ZNF844: variants seen among roughly 807,000 people sequenced by gnomAD.
The protein encoded by ZNF844 is zinc finger protein 844.
A neutral mutation model predicts 11.4 loss-of-function variants in ZNF844; 11 were observed. The ratio of observed to expected loss-of-function variants is 0.97; its 90% CI spans 0.61 to 1.60. The LOEUF is 1.60. Ranked by LOEUF, ZNF844 falls within the 40% of genes most tolerant of loss-of-function variation. The pLI, the probability that ZNF844 is intolerant of heterozygous loss-of-function variation, is 0.00. For synonymous variants in ZNF844, 248 were observed against 260.3 expected (o/e 0.95, Z 0.46); for missense variants, 790 against 796.8 (o/e 0.99, Z 0.10).
chr19:12,065,304 T>A (rs1024477591), intron 1 of ZNF844, among the ~76,000 whole-genome samples: 5 of 152,142 alleles, frequency 3.3e-5, no homozygotes, highest in South Asian at 2.1e-4. Context: ...GTGCTGGGAA[T>A]AGAGGCGTGA....
At chr19:12,066,733 A>G (rs1975693287) in intron 1 of ZNF844, among the ~76,000 whole-genome samples, 1 of 151,088 alleles carries the variant, frequency 6.6e-6, no homozygotes, top group South Asian at 2.1e-4. Flanking sequence ...TTTTTAGTAG[A>G]GACGGGGTTT....
At chr19:12,065,694 A>G (rs1228993809) in intron 1 of ZNF844, among the ~76,000 whole-genome samples, 1 of 149,786 alleles carries the variant, frequency 6.7e-6, no homozygotes, top group Non-Finnish European at 1.5e-5. Context: ...CTGGAGTGCA[A>G]TGACACGATC....
chr19:12,071,712 T>A (rs901451534), intron 1 of ZNF844, among the ~76,000 whole-genome samples: 119 of 151,166 alleles, frequency 7.9e-4, no homozygotes, highest in Non-Finnish European at 1.4e-3. Context: ...TTTTTTTTTT[T>A]ACTTGGTACA....
intron 1 of ZNF844, among the ~76,000 whole-genome samples, chr19:12,069,336 C>G (rs932164131): frequency 2.6e-5 from 4 of 151,464 alleles, no homozygotes; most frequent in African/African-American, 9.7e-5. Context: ...GCGCCCAGCA[C>G]CATGCCCGGC....
Position 12,080,346 on chromosome 19 carries a change from CAAAAAAAA to C in ZNF844, c.*3238_*3245del. ...GCGGCGACAGAGCAAGACTCCGTCTCAAAAAAAAAAAAAAAAAAAAGAGAAGTCTGACA... is the reference window on the plus strand; with the variant it reads ...GCGGCGACAGAGCAAGACTCCGTCTCAAAAAAAAAAAAGAGAAGTCTGACA... On this transcript the variant is annotated 3_prime_UTR_variant, in exon 4 of 4. Transcript: ENST00000439326. 7.7e-5 allele frequency: 13 copies of C among 169,158 alleles called. No homozygotes were observed. Among genetic ancestry groups the C allele is most frequent in the Admixed American group, 1.1e-4 (1 of 8,770 alleles). 10.5% of individuals were successfully genotyped at this position (169,158 alleles called of 1,614,324 possible). A position where few individuals can be genotyped will look rare whatever the true frequency, so the allele number is the denominator to read the frequency against.
At chr19:12,070,402 A>G (rs1975742935) in intron 1 of ZNF844, 2 of 152,242 alleles carry the variant, frequency 1.3e-5, no homozygotes, top group South Asian at 4.1e-4. Context: ...ACTCTGAGGC[A>G]TCCTGGCCCA....
Position 12,074,406 on chromosome 19 carries a change from C to T in ZNF844, c.176C>T (p.Pro59Leu). The stretch of plus-strand genomic sequence containing the variant: ...AACATTGAAGATCAGTACAAAAATC[C>T]CAGGAATAATCTAAGGTGATTTAAA... ...DQNIEDQYKN[P>L]RNNLRSLLGE... is the part of the protein sequence containing the mutation. Residue 59 changes from proline to leucine, a missense_variant, in exon 3 of 4, where the codon CCC becomes CTC. This residue lies in a region of ZNF844 where 129 missense variants were observed against 144.0 expected (regional missense o/e 0.90). Transcript: ENST00000439326. 6.5e-7 allele frequency: 1 copy of T among 1,536,180 alleles called. No individual in the cohort carries two copies.
intron 1 of ZNF844, among the ~76,000 whole-genome samples, chr19:12,065,216 TG>T (rs1284626584): frequency 6.6e-6 from 1 of 152,056 alleles, no homozygotes; most frequent in Non-Finnish European, 1.5e-5. Context: ...CCGCCTTGGG[TG>T]TGGGGCTCGT....
At chr19:12,073,924 T>A (rs1484612813) in intron 1 of ZNF844, 107 bp from the exon 2 acceptor site, 4 of 1,412,542 alleles carry the variant, frequency 2.8e-6, no homozygotes, top group Non-Finnish European at 3.8e-6. Flanking sequence ...AGAAATAGAA[T>A]AAATGTTTGG....
chr19:12,070,545 A>T (rs1481226450), intron 1 of ZNF844, among the ~76,000 whole-genome samples: 1 of 152,146 alleles, frequency 6.6e-6, no homozygotes, highest in Non-Finnish European at 1.5e-5. Flanking sequence ...GGTGTTTTGG[A>T]TGTTTGAGTA....
intron 1 of ZNF844, among the ~76,000 whole-genome samples, chr19:12,069,178 C>CGTTTTTTTTTTTTTTTTTTT (rs760998604): frequency 7.3e-6 from 1 of 137,478 alleles, no homozygotes; most frequent in African/African-American, 3.0e-5. Context: ...TTCTTTTATT[C>CGTTTTTTTTTTTTTTTTTTT]CTTTTTTTTT....
In ZNF844 at chr19:12,077,406, T is replaced by A; in HGVS notation, c.*285T>A. On this transcript the variant is annotated 3_prime_UTR_variant, in exon 4 of 4. Transcript: ENST00000439326. ...TGAGTGTAAGCAGTGTGGTAAAGCC[T>A]TCATGTCTTCTACTGCATTTCAGTA... 1 of 698,918 alleles carries A rather than the reference T, an allele frequency of 1.4e-6. No homozygotes were observed. Among genetic ancestry groups the A allele is most frequent in the Non-Finnish European group, 2.6e-6 (1 of 382,444 alleles). 43.3% of individuals were successfully genotyped at this position (698,918 alleles called of 1,614,324 possible). A position where few individuals can be genotyped will look rare whatever the true frequency, so the allele number is the denominator to read the frequency against.
At chr19:12,066,112 G>T (rs1054057275) in intron 1 of ZNF844, among the ~76,000 whole-genome samples, 1 of 151,830 alleles carries the variant, frequency 6.6e-6, no homozygotes, top group African/African-American at 2.4e-5. Context: ...TTTTGGTAGA[G>T]ATGGGGTTTC....
chr19:12,074,095 C>T lies in ZNF844; in HGVS notation c.68C>T (p.Pro23Leu), dbSNP rs1056858096. The change falls in exon 2 of 4, where the codon CCT (proline) becomes CTT (leucine). Residue 23 changes from proline (P) to leucine (L), a missense_variant. By Grantham distance (98) the Pro-to-Leu change is moderately conservative. Coordinates refer to ENST00000439326, the MANE Select transcript of ZNF844 (RefSeq NM_001136501.3). ...CAGGAGGAGTGGTCTTTGCTGGATC[C>T]TTCCCAGAAGAATCTCTACAGAGAA... ...FTQEEWSLLDPSQKNLYREVM... is the reference protein window; with the variant it reads ...FTQEEWSLLDLSQKNLYREVM... The T allele has an allele frequency of 1.2e-6, 2 of 1,613,712 alleles. No individual in the cohort carries two copies. Among genetic ancestry groups the T allele is most frequent in the Middle Eastern group, 1.6e-4 (1 of 6,062 alleles).
At position 12,076,966 on chromosome 19, in the gene ZNF844, G is replaced by C; in HGVS notation, c.1846G>C (p.Val616Leu). The change falls in exon 4 of 4, where the codon GTA becomes CTA. Residue 616 changes from valine to leucine, a missense_variant. Physicochemically the swap from Val to Leu is conservative, Grantham distance 32. Transcript: ENST00000439326. ...CACCCTGGAGAGAAACCCTATGAAT[G>C]TAAGGAATGCGGAAAAGCGTTCAAT... ...EHTLERNPMN[V>L]RNAEKRSIIF... 6.2e-7 allele frequency: 1 copy of C among 1,603,144 alleles called. No individual in the cohort carries two copies. The highest frequency in any genetic ancestry group is 2.3e-5 in the East Asian group (1 of 43,838).
intron 1 of ZNF844, among the ~76,000 whole-genome samples, chr19:12,065,834 C>T (rs1275195555): frequency 2.0e-5 from 3 of 151,900 alleles, no homozygotes. Flanking sequence ...GGGGTTTCAC[C>T]GTGTTGGCCA....
intron 1 of ZNF844, among the ~76,000 whole-genome samples, chr19:12,072,075 T>C (rs4608438): frequency 0.28 from 42,973 of 151,744 alleles, 10,100 homozygotes; most frequent in African/African-American, 0.65. Context: ...TTAGTAGAGA[T>C]GGGGTTTCAC....
chr19:12,074,679 C>T (rs182632321), intron 3 of ZNF844, among the ~76,000 whole-genome samples: 10 of 152,180 alleles, frequency 6.6e-5, no homozygotes, highest in Admixed American at 2.6e-4. Context: ...AGCAAAATGG[C>T]GAGACTTCAT....
At chr19:12,067,598 ACT>A (rs1296922089) in intron 1 of ZNF844, among the ~76,000 whole-genome samples, 1 of 103,548 alleles carries the variant, frequency 9.7e-6, no homozygotes, top group Admixed American at 1.3e-4. Flanking sequence ...CAAGAGTGAA[ACT>A]CTGTCTCAAA....
Sources: allele counts gnomAD v4.1 joint callset (sites outside exome capture counted in the v4.1 genomes callset), GRCh38; gene constraint gnomAD v4.1.1; regional missense constraint gnomAD v4.1.1; transcripts MANE v1.5; gene names NCBI Gene and HGNC (gene_info 2026-07-23, HGNC 2026-07-21).